SNX10: variants seen among roughly 807,000 people sequenced by gnomAD.
SNX10 encodes the protein sorting nexin-10.
Under a neutral mutation model 28.5 loss-of-function variants are expected in SNX10, and 25 were observed. The observed-to-expected ratio is 0.88, with a 90% CI of 0.64 to 1.22. SNX10 has a LOEUF of 1.22. Among genes scored for constraint, SNX10 ranks in the 50% most tolerant of loss-of-function variants. The pLI, the probability that SNX10 is intolerant of heterozygous loss-of-function variation, is 0.00. For synonymous variants in SNX10, 62 were observed against 81.4 expected (o/e 0.76, Z 1.28); for missense variants, 223 against 242.6 (o/e 0.92, Z 0.54).
intron 1 of SNX10, among the ~76,000 whole-genome samples, chr7:26,312,073 A>G (rs1176084509): frequency 2.6e-5 from 4 of 152,134 alleles, no homozygotes; most frequent in African/African-American, 7.3e-5. Context: ...TCAGAAAACA[A>G]AAGTTACTTC....
intron 5 of SNX10, among the ~76,000 whole-genome samples, chr7:26,370,026 A>G (rs1048290465): frequency 6.6e-6 from 1 of 152,222 alleles, no homozygotes; most frequent in Non-Finnish European, 1.5e-5. Flanking sequence ...GCCTCAAACC[A>G]TCTAAAATCA....
intron 1 of SNX10, among the ~76,000 whole-genome samples, chr7:26,335,116 C>A (rs571977611): frequency 6.6e-6 from 1 of 152,204 alleles, no homozygotes; most frequent in African/African-American, 2.4e-5. Flanking sequence ...ATGCTGGACA[C>A]GGAAGCCACT....
At chr7:26,372,391 A>G (rs1471919846) in intron 6 of SNX10, 100 bp from the exon 7 acceptor site, 1 of 777,974 alleles carries the variant, frequency 1.3e-6, no homozygotes, top group African/African-American at 1.7e-5. Context: ...TCTCTTTGTG[A>G]CTGGAGATAA....
chr7:26,331,611 A>G (rs1177270994), intron 1 of SNX10, among the ~76,000 whole-genome samples: 3 of 152,202 alleles, frequency 2.0e-5, no homozygotes, highest in African/African-American at 7.2e-5. Flanking sequence ...AAAATAAAAT[A>G]TAAATAAAAT....
At chr7:26,304,209 C>G (rs1288428435) in intron 1 of SNX10, among the ~76,000 whole-genome samples, 2 of 152,170 alleles carry the variant, frequency 1.3e-5, no homozygotes, top group African/African-American at 4.8e-5. Flanking sequence ...TCCAGCCTTC[C>G]CCATCTGAAT....
Position 26,357,050 on chromosome 7 carries a change from T to TATCCA in SNX10, c.25-3925_25-3924insATCCA, listed in dbSNP as rs528743320. The stretch of plus-strand genomic sequence containing the variant: ...AATGATACTAATGGAAGGCATTGGA[T>TATCCA]GTATGAGGCATTCAAGTCTTACAAG... On this transcript the variant is annotated intron_variant, in intron 2 of 6. Coordinates refer to ENST00000338523, the MANE Select transcript of SNX10 (RefSeq NM_013322.3). The TATCCA allele has an allele frequency of 4.3e-5, 53 of 1,224,810 alleles. No individual in the cohort carries two copies. In the East Asian group the frequency reaches 3.1e-3, roughly 71 times the overall value. The allele number at this position is 1,224,810 out of a possible 1,614,324, so 75.9% of individuals were successfully genotyped here.
At chr7:26,294,086 A>T (rs1385155334) in intron 1 of SNX10, among the ~76,000 whole-genome samples, 1 of 152,230 alleles carries the variant, frequency 6.6e-6, no homozygotes, top group Non-Finnish European at 1.5e-5. Flanking sequence ...CAACTGGTTG[A>T]GAACAGGGGC....
chr7:26,351,651 TTTTTTTTG>T (rs1293194021), intron 2 of SNX10, among the ~76,000 whole-genome samples: 8 of 83,378 alleles, frequency 9.6e-5, no homozygotes, highest in Non-Finnish European at 2.0e-4. Flanking sequence ...GTCTGGTTTT[TTTTTTTTG>T]TTTTTTTTTT....
chr7:26,369,998 T>C (rs1189982277), intron 5 of SNX10, among the ~76,000 whole-genome samples: 1 of 152,244 alleles, frequency 6.6e-6, no homozygotes, highest in Non-Finnish European at 1.5e-5. Flanking sequence ...TTAGTGCTCA[T>C]TACTGTTGTG....
intron 1 of SNX10, among the ~76,000 whole-genome samples, chr7:26,293,743 G>T (rs1418041163): frequency 1.3e-5 from 2 of 152,126 alleles, no homozygotes; most frequent in Non-Finnish European, 2.9e-5. Flanking sequence ...TGCTCAGGCT[G>T]ACACTGTGCC....
Position 26,371,830 on chromosome 7 carries a change from G to T in SNX10, c.321G>T (p.Gln107His). ...GLEDFLRKVLQNALLLSDSSL... is the reference protein window; with the variant it reads ...GLEDFLRKVLHNALLLSDSSL... ...TTTTTTTTTAATATAGAGTCCTACA[G>T]AATGCACTTTTGCTTTCAGATAGCA... Residue 107 changes from glutamine to histidine, a missense_variant, in exon 6 of 7, where the codon CAG (glutamine) becomes CAT (histidine). By Grantham distance (24) the Gln-to-His change is conservative (BLOSUM62 0). Transcript: ENST00000338523. 6.2e-7 allele frequency: 1 copy of T among 1,610,086 alleles called. No individual in the cohort carries two copies. Among genetic ancestry groups the T allele is most frequent in the East Asian group, 2.2e-5 (1 of 44,782 alleles).
chr7:26,348,661 T>G (rs1178185891), intron 2 of SNX10, among the ~76,000 whole-genome samples: 4 of 152,202 alleles, frequency 2.6e-5, no homozygotes, highest in Non-Finnish European at 4.4e-5. Context: ...TCCATTGCCC[T>G]TAGAACAAAG....
intron 1 of SNX10, among the ~76,000 whole-genome samples, chr7:26,329,963 AG>A (rs1234798197): frequency 6.6e-6 from 1 of 152,046 alleles, no homozygotes; most frequent in East Asian, 1.9e-4. Flanking sequence ...GGAGATGGGA[AG>A]GGTGGGTCAG....
intron 1 of SNX10, among the ~76,000 whole-genome samples, chr7:26,298,801 C>T (rs1786206737): frequency 6.6e-6 from 1 of 152,204 alleles, no homozygotes; most frequent in Non-Finnish European, 1.5e-5. Flanking sequence ...AGTTCTCTCC[C>T]TGGCTTGCAG....
At chr7:26,344,402 C>T (rs546265215) in intron 1 of SNX10, among the ~76,000 whole-genome samples, 2 of 152,214 alleles carry the variant, frequency 1.3e-5, no homozygotes, top group Non-Finnish European at 2.9e-5. Flanking sequence ...CTCCTGACCT[C>T]AGGTAATCTG....
At chr7:26,341,916 C>G (rs1443980898) in intron 1 of SNX10, among the ~76,000 whole-genome samples, 1 of 149,498 alleles carries the variant, frequency 6.7e-6, no homozygotes, top group Admixed American at 6.7e-5. Flanking sequence ...CTCTCTCTTT[C>G]TCTTTCTGTC....
chr7:26,304,089 G>A (rs1786479651), intron 1 of SNX10, among the ~76,000 whole-genome samples: 1 of 152,180 alleles, frequency 6.6e-6, no homozygotes, highest in African/African-American at 2.4e-5. Flanking sequence ...AATACAAAGC[G>A]AGATGTGGGA....
At chr7:26,354,679 C>CT (rs1461255271) in intron 2 of SNX10, among the ~76,000 whole-genome samples, 1 of 125,342 alleles carries the variant, frequency 8.0e-6, no homozygotes, top group Non-Finnish European at 1.7e-5. Flanking sequence ...CCTCACCCGT[C>CT]TGATAGTTTT....
intron 1 of SNX10, among the ~76,000 whole-genome samples, chr7:26,335,915 T>G (rs1787919729): frequency 6.6e-6 from 1 of 151,238 alleles, no homozygotes; most frequent in South Asian, 2.1e-4. Flanking sequence ...GGCTAATTTT[T>G]TGTATTTTTA....
Sources: gnomAD v4.1 joint callset for allele counts (sites outside exome capture counted in the v4.1 genomes callset) on GRCh38, gnomAD v4.1.1 for gene constraint, MANE v1.5 for transcripts, NCBI Gene and HGNC (gene_info 2026-07-23, HGNC 2026-07-21) for gene names.